The following ENTREP2 variants were observed in gnomAD, a reference collection of about 807,000 sequenced individuals.
ENTREP2 encodes the protein endosomal transmembrane epsin interactor 2.
At chr15:29,637,517 G>T in the ENTREP2 span, among the ~76,000 whole-genome samples, 1 of 152,330 alleles carries the variant, frequency 6.6e-6, no homozygotes, top group African/African-American at 2.4e-5. Flanking sequence ...GATGTGTGAG[G>T]TTATGACAGA....
chr15:29,198,121 T>C, the ENTREP2 span, among the ~76,000 whole-genome samples: 15 of 152,298 alleles, frequency 9.8e-5, no homozygotes, highest in Non-Finnish European at 4.4e-5. Context: ...ACTTAGCCCC[T>C]GCCACCCCCT....
the ENTREP2 span, among the ~76,000 whole-genome samples, chr15:29,486,145 G>A: frequency 2.0e-5 from 3 of 149,494 alleles, no homozygotes; most frequent in Non-Finnish European, 3.0e-5. Context: ...TTGATAAAAT[G>A]ATAAATTGAT....
At chr15:29,151,938 T>C in the ENTREP2 span, 1 of 874,464 alleles carries the variant, frequency 1.1e-6, no homozygotes, top group Non-Finnish European at 1.9e-6. Context: ...CCGAGGTCGA[T>C]GACCATCCAC....
chr15:29,463,109 T>C, the ENTREP2 span, among the ~76,000 whole-genome samples: 11 of 152,078 alleles, frequency 7.2e-5, no homozygotes, highest in South Asian at 1.2e-3. Flanking sequence ...GGCAGGTACA[T>C]GGAGGGGGAG....
the ENTREP2 span, among the ~76,000 whole-genome samples, chr15:29,274,492 G>GT: frequency 1.3e-5 from 2 of 152,110 alleles, no homozygotes; most frequent in African/African-American, 4.8e-5. Flanking sequence ...TTAGAAACCT[G>GT]TACGATACTG....
the ENTREP2 span, among the ~76,000 whole-genome samples, chr15:29,559,338 G>GC: frequency 1.3e-5 from 2 of 151,970 alleles, no homozygotes; most frequent in African/African-American, 2.4e-5. Flanking sequence ...AGGTGACTGA[G>GC]CCCCCCTGGA....
the ENTREP2 span, among the ~76,000 whole-genome samples, chr15:29,228,008 G>A: frequency 6.6e-6 from 1 of 152,050 alleles, no homozygotes; most frequent in Non-Finnish European, 1.5e-5. Flanking sequence ...TTGAAAACAT[G>A]ATGCTAAGTG....
At chr15:29,157,045 C>A in the ENTREP2 span, among the ~76,000 whole-genome samples, 1 of 152,006 alleles carries the variant, frequency 6.6e-6, no homozygotes, top group Non-Finnish European at 1.5e-5. Context: ...AGCCGTGAGC[C>A]GAGATCATGC....
the ENTREP2 span, among the ~76,000 whole-genome samples, chr15:29,570,346 G>A: frequency 6.6e-6 from 1 of 151,728 alleles, no homozygotes; most frequent in Non-Finnish European, 1.5e-5. Flanking sequence ...GAGTTATTCT[G>A]CTCGGAGTTT....
chr15:29,468,587 G>A, the ENTREP2 span, among the ~76,000 whole-genome samples: 2 of 136,810 alleles, frequency 1.5e-5, no homozygotes, highest in East Asian at 2.1e-4. Context: ...TCCAGCCTGC[G>A]CAACGAGAGC....
At chr15:29,244,005 T>C in the ENTREP2 span, among the ~76,000 whole-genome samples, 1 of 152,236 alleles carries the variant, frequency 6.6e-6, no homozygotes, top group African/African-American at 2.4e-5. Context: ...AGGTAAACTG[T>C]AGGTTATCTC....
At chr15:29,485,725 GACATACAA>G in the ENTREP2 span, among the ~76,000 whole-genome samples, 1 of 152,136 alleles carries the variant, frequency 6.6e-6, no homozygotes, top group African/African-American at 2.4e-5. Context: ...TTCAAAAGAA[GACATACAA>G]ATGGCCAGGA....
chr15:29,279,397 G>A, the ENTREP2 span, among the ~76,000 whole-genome samples: 7 of 151,484 alleles, frequency 4.6e-5, no homozygotes, highest in South Asian at 1.5e-3. Flanking sequence ...ATGGAGCCTG[G>A]CTGTGTCACC....
At chr15:29,203,173 C>T in the ENTREP2 span, among the ~76,000 whole-genome samples, 67 of 152,208 alleles carry the variant, frequency 4.4e-4, no homozygotes, top group Non-Finnish European at 8.8e-4. Context: ...GAGGCCGAGG[C>T]AGGCGGATCA....
At chr15:29,203,152 C>T in the ENTREP2 span, among the ~76,000 whole-genome samples, 4 of 152,310 alleles carry the variant, frequency 2.6e-5, no homozygotes, top group Middle Eastern at 3.4e-3. Context: ...CCTATAATCC[C>T]GGTACTTTGG....
chr15:29,212,385 C>G, the ENTREP2 span, among the ~76,000 whole-genome samples: 1 of 152,132 alleles, frequency 6.6e-6, no homozygotes, highest in Non-Finnish European at 1.5e-5. Flanking sequence ...CTTGGTTAAT[C>G]TTGCTAATGG....
the ENTREP2 span, among the ~76,000 whole-genome samples, chr15:29,617,695 C>T: frequency 2.6e-5 from 4 of 152,216 alleles, no homozygotes; most frequent in African/African-American, 9.6e-5. Flanking sequence ...CTACTTGTCA[C>T]CAAAAGCAGA....
chr15:29,139,674 A>G, the ENTREP2 span, among the ~76,000 whole-genome samples: 1 of 152,172 alleles, frequency 6.6e-6, no homozygotes, highest in South Asian at 2.1e-4. Context: ...ACTGGAGGCT[A>G]TGTAAAGGTC....
chr15:29,643,819 A>T, the ENTREP2 span, among the ~76,000 whole-genome samples: 1 of 151,806 alleles, frequency 6.6e-6, no homozygotes, highest in Non-Finnish European at 1.5e-5. Context: ...AAAAGACTTG[A>T]AGGAATTGTA....
Sources: gnomAD v4.1 joint callset for allele counts (sites outside exome capture counted in the v4.1 genomes callset) on GRCh38, gnomAD v4.1.1 for gene constraint, MANE v1.5 for transcripts, NCBI Gene and HGNC (gene_info 2026-07-23, HGNC 2026-07-21) for gene names.